Variants in RTP4 observed in about 807,000 individuals in gnomAD.
The protein encoded by RTP4 is receptor-transporting protein 4.
RTP4 carries 5 observed loss-of-function variants against 6.5 expected under a neutral mutation model. The ratio of observed to expected loss-of-function variants is 0.77; its 90% CI spans 0.40 to 1.62. The LOEUF is 1.62. Among genes scored for constraint, RTP4 ranks in the 40% most tolerant of loss-of-function variants. RTP4 has a pLI of 0.02. For missense variants in RTP4, 266 were observed against 288.7 expected, an observed-to-expected ratio of 0.92 and a Z score of 0.57; for synonymous variants, 112 against 114.8, an observed-to-expected ratio of 0.98 and a Z score of 0.15.
intron 1 of RTP4, among the ~76,000 whole-genome samples, chr3:187,369,091 T>C (rs1711556026): frequency 1.3e-5 from 2 of 151,328 alleles, no homozygotes; most frequent in South Asian, 4.2e-4. Context: ...GGCCTGGGGA[T>C]AATAGTATAG....
Position 187,370,886 on chromosome 3 carries a change from G to A in RTP4, c.254G>A (p.Arg85His), listed in dbSNP as rs370272397. 1.4e-4 allele frequency: 228 copies of A among 1,614,108 alleles called. 1 individual carries two copies. The highest frequency in any genetic ancestry group is 1.2e-3 in the South Asian group (105 of 91,084). Residue 85 changes from arginine (R) to histidine (H), a missense_variant, in exon 2 of 2, where the codon CGT becomes CAT. Coordinates refer to ENST00000259030, the MANE Select transcript of RTP4 (RefSeq NM_022147.3). ...WEHWTSQGQV[R>H]MRLFGQRCQK... ...CACTGGACATCCCAGGGTCAGGTGCGTATGAGGCTCTTTGGCCAAAGGTGC... is the reference window on the plus strand; with the variant it reads ...CACTGGACATCCCAGGGTCAGGTGCATATGAGGCTCTTTGGCCAAAGGTGC...
intron 1 of RTP4, among the ~76,000 whole-genome samples, chr3:187,368,956 C>G (rs994608800): frequency 1.3e-5 from 2 of 151,826 alleles, no homozygotes; most frequent in South Asian, 4.2e-4. Flanking sequence ...CTTCCCCCAG[C>G]TGCACCAGCT....
Position 187,370,823 on chromosome 3 carries a change from C to T in RTP4, c.191C>T (p.Ser64Phe), listed in dbSNP as rs1353661800. 3.7e-6 allele frequency: 6 copies of T among 1,613,562 alleles called. No homozygotes were observed. The South Asian group carries it at 6.6e-5, about 18-fold the overall frequency. Residue 64 changes from serine to phenylalanine, a missense_variant, in exon 2 of 2, where the codon TCC (serine) becomes TTC (phenylalanine). By Grantham distance (155) the Ser-to-Phe change is radical (BLOSUM62 -2). Transcript: ENST00000259030. ...RCSSCQRSWASAQVQILCHTY... is the reference protein window; with the variant it reads ...RCSSCQRSWAFAQVQILCHTY... ...TCCTCCTGCCAGCGAAGTTGGGCTT[C>T]CGCCCAAGTGCAGATTCTGTGCCAC...
At position 187,371,138 on chromosome 3, in the gene RTP4, G is replaced by A. The variant is rs1533594; in HGVS notation, c.506G>A (p.Cys169Tyr). 1,335,672 of 1,613,908 alleles carry A rather than the reference G, an allele frequency of 0.83. 554,423 individuals are homozygous for A. Among genetic ancestry groups the A allele is most frequent in the East Asian group, 0.96 (42,963 of 44,868 alleles). ...ATCTGTGGACAGGGCTTAAAAAGCT[G>A]CATGACAAAGCCGTCCAAATCCCTA... is the stretch of plus-strand genomic sequence containing the variant. ...LGICGQGLKS[C>Y]MTKPSKSLLP... is the part of the protein sequence containing the mutation. Residue 169 changes from cysteine (C) to tyrosine (Y), a missense_variant, in exon 2 of 2, where the codon TGC becomes TAC. By Grantham distance (194) the Cys-to-Tyr change is radical. Transcript: ENST00000259030.
intron 1 of RTP4, among the ~76,000 whole-genome samples, chr3:187,369,688 A>G (rs891186593): frequency 6.6e-6 from 1 of 151,480 alleles, no homozygotes; most frequent in Non-Finnish European, 1.5e-5. Context: ...GTATTATTAT[A>G]TATTGTATCA....
In RTP4 at chr3:187,370,955, C is replaced by T. The variant is rs776702663; in HGVS notation, c.323C>T (p.Ser108Leu). Residue 108 changes from serine (S) to leucine (L), a missense_variant, in exon 2 of 2, where the codon TCG (serine) becomes TTG (leucine). Transcript: ENST00000259030. ...WSQYEMPEFS[S>L]DSTMRILSNL... ...CAATATGAGATGCCTGAGTTCTCCT[C>T]GGATAGCACCATGAGGATTCTGAGC... 14 of 1,614,016 alleles carry T rather than the reference C, an allele frequency of 8.7e-6. No homozygotes were observed. The highest frequency in any genetic ancestry group is 4.5e-5 in the East Asian group (2 of 44,890).
intron 1 of RTP4, among the ~76,000 whole-genome samples, chr3:187,370,333 A>T (rs1409875830): frequency 6.6e-6 from 1 of 152,214 alleles, no homozygotes; most frequent in Non-Finnish European, 1.5e-5. Context: ...TGTGTCCTTA[A>T]GCAGGTTGCG....
rs994222263 is a variant in RTP4 at position 187,371,556 on chromosome 3, A to G, written c.*183A>G. 1.9e-5 allele frequency: 11 copies of G among 576,920 alleles called. No homozygotes were observed. The highest frequency in any genetic ancestry group is 3.1e-5 in the Non-Finnish European group (10 of 327,348). 35.7% of individuals were successfully genotyped at this position (576,920 alleles called of 1,614,324 possible). Reference sequence around the variant, plus strand: ...ACATGACCAAGTACATAATGGATTTAGTAATAAATATTGTCGAATTGCTAA... The same window carrying G: ...ACATGACCAAGTACATAATGGATTTGGTAATAAATATTGTCGAATTGCTAA... On this transcript the variant is annotated 3_prime_UTR_variant, in exon 2 of 2. Coordinates refer to ENST00000259030, the MANE Select transcript of RTP4 (RefSeq NM_022147.3).
intron 1 of RTP4, 36 bp from the exon 2 acceptor site, chr3:187,370,752 A>G (rs770180938): frequency 2.6e-6 from 4 of 1,518,224 alleles, no homozygotes; most frequent in East Asian, 4.5e-5. Context: ...TAACAACCAG[A>G]TGAAGGCATA....
rs536751026 is a variant in RTP4, at chr3:187,371,480, GT to G, written c.*110del. On this transcript the variant is annotated 3_prime_UTR_variant, in exon 2 of 2. Transcript: ENST00000259030. Reference sequence around the variant, plus strand: ...TCATTTTGAGACCAAGCAGGATCAAGTTTGTAGAATAAACACTGGTTTCCTA... The same window carrying G: ...TCATTTTGAGACCAAGCAGGATCAAGTTGTAGAATAAACACTGGTTTCCTA... The G allele has an allele frequency of 1.2e-3, 947 of 780,590 alleles. 7 individuals carry two copies. In the African/African-American group the frequency reaches 0.015, roughly 12 times the overall value. The allele number at this position is 780,590 out of a possible 1,614,324, so 48.4% of individuals were successfully genotyped here. A position where few individuals can be genotyped will look rare whatever the true frequency, so the allele number is the denominator to read the frequency against.
rs577439388 is a variant in RTP4 at position 187,370,983 on chromosome 3, C to A, written c.351C>A (p.Asn117Lys). Residue 117 changes from asparagine (N) to lysine (K), a missense_variant, in exon 2 of 2, where the codon AAC becomes AAA. Physicochemically the swap from Asn to Lys is moderately conservative, Grantham distance 94 (BLOSUM62 0). Coordinates refer to ENST00000259030, the MANE Select transcript of RTP4 (RefSeq NM_022147.3). ...ATAGCACCATGAGGATTCTGAGCAA[C>A]CTGGTGCAGCATATACTGAAGAAAT... Reference protein sequence around the residue: ...SSDSTMRILSNLVQHILKKYY... With the variant: ...SSDSTMRILSKLVQHILKKYY... 1 of 1,614,182 alleles carries A rather than the reference C, an allele frequency of 6.2e-7. No homozygotes were observed. Among genetic ancestry groups the A allele is most frequent in the African/African-American group, 1.3e-5 (1 of 75,044 alleles).
At chr3:187,368,679 T>C in intron 1 of RTP4, 83 bp downstream of exon 1, 1 of 1,335,564 alleles carries the variant, frequency 7.5e-7, no homozygotes, top group Non-Finnish European at 1.0e-6. Context: ...CTCTGAGAGC[T>C]TGTTGAAGGA....
At position 187,370,893 on chromosome 3, in the gene RTP4, G is replaced by A; in HGVS notation, c.261G>A (p.Arg87=). The change falls in exon 2 of 2, where the codon AGG becomes AGA. Residue 87 remains arginine (R), a synonymous_variant. Transcript: ENST00000259030. Reference sequence around the variant, plus strand: ...CATCCCAGGGTCAGGTGCGTATGAGGCTCTTTGGCCAAAGGTGCCAGAAGT... The same window carrying A: ...CATCCCAGGGTCAGGTGCGTATGAGACTCTTTGGCCAAAGGTGCCAGAAGT... ...HWTSQGQVRM[R]LFGQRCQKCS... 6.2e-7 allele frequency: 1 copy of A among 1,614,122 alleles called. No individual in the cohort carries two copies. Among genetic ancestry groups the A allele is most frequent in the Non-Finnish European group, 8.5e-7 (1 of 1,180,032 alleles).
chr3:187,371,075 C>A lies in RTP4; in HGVS notation c.443C>A (p.Ser148Tyr). ...PVILEVSLEG[S>Y]HDTANCEACT... ...ATCCTGGAAGTGTCCCTGGAAGGAT[C>A]CCATGACACAGCCAATTGTGAGGCA... Residue 148 changes from serine (S) to tyrosine (Y), a missense_variant, in exon 2 of 2, where the codon TCC becomes TAC. Coordinates refer to ENST00000259030, the MANE Select transcript of RTP4 (RefSeq NM_022147.3). 6.2e-7 allele frequency: 1 copy of A among 1,614,194 alleles called. No homozygotes were observed. Among genetic ancestry groups the A allele is most frequent in the South Asian group, 1.1e-5 (1 of 91,076 alleles).
intron 1 of RTP4, among the ~76,000 whole-genome samples, chr3:187,369,024 A>T (rs1284453783): frequency 3.0e-3 from 217 of 73,466 alleles, no homozygotes; most frequent in African/African-American, 0.011. Context: ...TTTTTTTTTT[A>T]AATATCTTAA....
chr3:187,369,025 A>AG (rs1711554854), intron 1 of RTP4, among the ~76,000 whole-genome samples: 3 of 137,396 alleles, frequency 2.2e-5, no homozygotes, highest in African/African-American at 5.4e-5. Context: ...TTTTTTTTTA[A>AG]ATATCTTAAG....
In RTP4 at chr3:187,371,745, A is replaced by G. The variant is rs1711620284; in HGVS notation, c.*372A>G. ...ATGGTAGAATGGACTTTGCGGATGTAATTAAGGACCTTGAAATGGTTAGAT... is the reference window on the plus strand; with the variant it reads ...ATGGTAGAATGGACTTTGCGGATGTGATTAAGGACCTTGAAATGGTTAGAT... On this transcript the variant is annotated 3_prime_UTR_variant, in exon 2 of 2. Coordinates refer to ENST00000259030, the MANE Select transcript of RTP4 (RefSeq NM_022147.3). 5.2e-6 allele frequency: 1 copy of G among 191,134 alleles called. No homozygotes were observed. The highest frequency in any genetic ancestry group is 5.4e-5 in the Admixed American group (1 of 18,590). The allele number at this position is 191,134 out of a possible 1,614,324, so 11.8% of individuals were successfully genotyped here. A position where few individuals can be genotyped will look rare whatever the true frequency, so the allele number is the denominator to read the frequency against.
At position 187,371,390 on chromosome 3, in the gene RTP4, A is replaced by G. The variant is rs2108650080; in HGVS notation, c.*17A>G. The G allele has an allele frequency of 6.5e-7, 1 of 1,545,670 alleles. No homozygotes were observed. The highest frequency in any genetic ancestry group is 8.8e-7 in the Non-Finnish European group (1 of 1,141,880). On this transcript the variant is annotated 3_prime_UTR_variant, in exon 2 of 2. Transcript: ENST00000259030. Reference sequence around the variant, plus strand: ...TCAGAATGATGAAAATAGGCTTGCCACTTTCTCTTATTTTAATTCCATGGT... The same window carrying G: ...TCAGAATGATGAAAATAGGCTTGCCGCTTTCTCTTATTTTAATTCCATGGT...
Position 187,368,434 on chromosome 3 carries a change from G to A in RTP4, c.-8G>A. The A allele has an allele frequency of 1.2e-6, 2 of 1,606,890 alleles. No individual in the cohort carries two copies. Among genetic ancestry groups the A allele is most frequent in the Admixed American group, 1.7e-5 (1 of 58,880 alleles). ...TGAAAGCTACTCTCTCAGCTTCAGA[G>A]GGAAAAAATGGTTGTAGATTTCTGG... On this transcript the variant is annotated 5_prime_UTR_variant, in exon 1 of 2. Coordinates refer to ENST00000259030, the MANE Select transcript of RTP4 (RefSeq NM_022147.3).
Sources: allele counts gnomAD v4.1 joint callset (sites outside exome capture counted in the v4.1 genomes callset), GRCh38; gene constraint gnomAD v4.1.1; transcripts MANE v1.5; gene names NCBI Gene and HGNC (gene_info 2026-07-23, HGNC 2026-07-21).